Variants in TBXAS1 observed in about 807,000 individuals in gnomAD.
TBXAS1 encodes the protein thromboxane-A synthase.
In TBXAS1, 48 loss-of-function variants were observed where a neutral mutation model predicts 60.7. The ratio of observed to expected loss-of-function variants is 0.79; its 90% CI spans 0.63 to 1.01. The LOEUF (loss-of-function observed/expected upper bound fraction) is 1.01. Among genes scored for constraint, TBXAS1 ranks in the 50% least tolerant of loss-of-function variants. The pLI, the probability that TBXAS1 is intolerant of heterozygous loss-of-function variation, is 0.00. For synonymous variants in TBXAS1, 287 were observed against 269.7 expected (o/e 1.06, Z -0.63); for missense variants, 685 against 686.3 (o/e 1.00, Z 0.02).
chr7:139,953,873 A>G (rs1371668309), intron 6 of TBXAS1, among the ~76,000 whole-genome samples: 1 of 152,236 alleles, frequency 6.6e-6, no homozygotes. Flanking sequence ...TTTTGTAACT[A>G]AAAGGTTTTT....
chr7:139,929,198 C>T (rs972170904), intron 4 of TBXAS1, among the ~76,000 whole-genome samples: 1 of 152,200 alleles, frequency 6.6e-6, no homozygotes, highest in Admixed American at 6.5e-5. Flanking sequence ...CTTTTTAATT[C>T]TCAGCAAGGC....
Position 139,912,203 on chromosome 7 carries a change from G to A in TBXAS1, c.333+882G>A, listed in dbSNP as rs117161774. On this transcript the variant is annotated intron_variant, in intron 4 of 12. Transcript: ENST00000448866. ...GGAGGGGCTCCAGTGAGCTGAGATCGCGCCACTGCACTCCAGCCTGGGCGA... is the reference window on the plus strand; with the variant it reads ...GGAGGGGCTCCAGTGAGCTGAGATCACGCCACTGCACTCCAGCCTGGGCGA... Among the ~76,000 whole-genome samples, 902 of 152,174 alleles carry A rather than the reference G, an allele frequency of 5.9e-3. 8 individuals carry two copies. The highest frequency in any genetic ancestry group is 0.027 in the South Asian group (132 of 4,822).
chr7:139,939,945 A>C (rs1808147089), intron 5 of TBXAS1, among the ~76,000 whole-genome samples: 1 of 152,300 alleles, frequency 6.6e-6, no homozygotes, highest in Middle Eastern at 3.4e-3. Flanking sequence ...AAACCAATGT[A>C]TGTCTGTTTC....
At chr7:140,008,447 CT>C (rs35875761) in intron 10 of TBXAS1, among the ~76,000 whole-genome samples, 7,046 of 125,922 alleles carry the variant, frequency 0.056, 198 homozygotes, top group African/African-American at 0.1. Context: ...TTCTTTTATT[CT>C]TTTTTTTTTT....
At chr7:139,933,810 T>A (rs1807523134) in intron 4 of TBXAS1, among the ~76,000 whole-genome samples, 1 of 152,224 alleles carries the variant, frequency 6.6e-6, no homozygotes, top group Admixed American at 6.5e-5. Context: ...ATGCATCACA[T>A]GTGGTTCTGA....
At position 139,858,546 on chromosome 7, in the gene TBXAS1, G is replaced by A. The variant is rs1018918866; in HGVS notation, c.90-13689G>A. Among the ~76,000 whole-genome samples, 42 of 149,936 alleles carry A rather than the reference G, an allele frequency of 2.8e-4. 1 individual carries two copies. Among genetic ancestry groups the A allele is most frequent in the Middle Eastern group, 6.4e-3 (2 of 312 alleles). On this transcript the variant is annotated intron_variant, in intron 1 of 12. Transcript: ENST00000448866. Reference sequence around the variant, plus strand: ...AACTGTTTGTCAGTAGCCATTGAATGTCTGTCTGGTCCACTAGGCTGTAAG... The same window carrying A: ...AACTGTTTGTCAGTAGCCATTGAATATCTGTCTGGTCCACTAGGCTGTAAG...
Position 140,007,194 on chromosome 7 carries a change from C to T in TBXAS1, c.1226+12C>T. 6.2e-7 allele frequency: 1 copy of T among 1,613,444 alleles called. No individual in the cohort carries two copies. ...CCGCCAGCTTTCAGGTGTGTGGTAGCCCCCTCCCCTGCCCGAGTCCCCACC... is the reference window on the plus strand; with the variant it reads ...CCGCCAGCTTTCAGGTGTGTGGTAGTCCCCTCCCCTGCCCGAGTCCCCACC... On this transcript the variant is annotated intron_variant, in intron 10 of 12. Coordinates refer to ENST00000448866, the MANE Select transcript of TBXAS1 (RefSeq NM_001061.7).
intron 4 of TBXAS1, among the ~76,000 whole-genome samples, chr7:139,822,435 G>A (rs1008862683): frequency 6.6e-6 from 1 of 151,946 alleles, no homozygotes; most frequent in African/African-American, 2.4e-5. Context: ...CTATGGCTTT[G>A]CCCCATCCAC....
intron 9 of TBXAS1, among the ~76,000 whole-genome samples, chr7:139,981,247 A>G (rs1811954034): frequency 6.6e-6 from 1 of 152,136 alleles, no homozygotes; most frequent in Non-Finnish European, 1.5e-5. Context: ...AGCTGGGATT[A>G]CAGGCTTGTA....
intron 9 of TBXAS1, among the ~76,000 whole-genome samples, chr7:139,964,364 C>T (rs1008744368): frequency 7.2e-5 from 11 of 152,206 alleles, no homozygotes; most frequent in African/African-American, 2.7e-4. Flanking sequence ...GGATTACAGG[C>T]GTAAGCCACC....
chr7:139,850,015 T>G (rs988631780), intron 1 of TBXAS1, among the ~76,000 whole-genome samples: 1 of 152,206 alleles, frequency 6.6e-6, no homozygotes, highest in Non-Finnish European at 1.5e-5. Context: ...AGGAAAAAAT[T>G]TGTTTATTTC....
chr7:139,869,892 G>A (rs546307565), intron 1 of TBXAS1, among the ~76,000 whole-genome samples: 7 of 152,306 alleles, frequency 4.6e-5, no homozygotes, highest in African/African-American at 1.7e-4. Flanking sequence ...TGAGACCAGA[G>A]GGTATGAAAC....
At chr7:139,984,113 A>T (rs932279467) in intron 9 of TBXAS1, among the ~76,000 whole-genome samples, 1 of 152,012 alleles carries the variant, frequency 6.6e-6, no homozygotes, top group Non-Finnish European at 1.5e-5. Flanking sequence ...AAGCTGCTGG[A>T]CCCCTTACCC....
chr7:139,987,197 T>C (rs1237273464), intron 9 of TBXAS1, among the ~76,000 whole-genome samples: 1 of 152,204 alleles, frequency 6.6e-6, no homozygotes, highest in East Asian at 1.9e-4. Flanking sequence ...CATTTGGCAT[T>C]TGGGATATTC....
chr7:139,951,925 GAA>G (rs1414276354), intron 5 of TBXAS1, among the ~76,000 whole-genome samples: 2 of 81,870 alleles, frequency 2.4e-5, no homozygotes, highest in African/African-American at 4.7e-5. Flanking sequence ...AAGAGAGAAA[GAA>G]AGAGAGAAAG....
Position 139,852,928 on chromosome 7 carries a change from A to C in TBXAS1, c.90-19307A>C, listed in dbSNP as rs1800317727. ...ATGCCCCTGTGTACCAACCTTGGCT[A>C]CTCCAATACACACACACACACACAC... On this transcript the variant is annotated intron_variant, in intron 1 of 12. Coordinates refer to ENST00000448866, the MANE Select transcript of TBXAS1 (RefSeq NM_001061.7). The surrounding 1 kb of genome is among the most constrained non-coding windows in gnomAD (Gnocchi z 4.4). 1.4e-5 allele frequency among the ~76,000 whole-genome samples: 2 copies of C among 140,890 alleles called. No homozygotes were observed. Among genetic ancestry groups the C allele is most frequent in the African/African-American group, 2.7e-5 (1 of 36,830 alleles). The allele number at this position is 140,890 out of a possible 152,430, so 92.4% of individuals were successfully genotyped here.
At chr7:139,878,362 A>G (rs1219457545) in intron 3 of TBXAS1, among the ~76,000 whole-genome samples, 1 of 152,170 alleles carries the variant, frequency 6.6e-6, no homozygotes, top group Non-Finnish European at 1.5e-5. Flanking sequence ...TTTCAAGAAA[A>G]CCTAAATCAT....
At position 139,975,422 on chromosome 7, in the gene TBXAS1, T is replaced by C. The variant is rs1421801153; in HGVS notation, c.1134+13189T>C. ...TTTCAACCTTGTCTCTAATATTCCA[T>C]GATTCCATGGTTCTGATGCCATTCC... On this transcript the variant is annotated intron_variant, in intron 9 of 12. Coordinates refer to ENST00000448866, the MANE Select transcript of TBXAS1 (RefSeq NM_001061.7). The surrounding 1 kb of genome is among the most constrained non-coding windows in gnomAD (Gnocchi z 4.4). 6.6e-6 allele frequency among the ~76,000 whole-genome samples: 1 copy of C among 152,198 alleles called. No homozygotes were observed. The highest frequency in any genetic ancestry group is 1.5e-5 in the Non-Finnish European group (1 of 68,026).
chr7:140,019,275 A>C (rs1424846635), intron 12 of TBXAS1, among the ~76,000 whole-genome samples: 1 of 152,184 alleles, frequency 6.6e-6, no homozygotes, highest in Non-Finnish European at 1.5e-5. Flanking sequence ...TCGGCAGAGC[A>C]GAGCCAAACC....
Sources: gnomAD v4.1 joint callset for allele counts (sites outside exome capture counted in the v4.1 genomes callset) on GRCh38, gnomAD v4.1.1 for gene constraint, Gnocchi (gnomAD v3.1) non-coding constraint, MANE v1.5 for transcripts, NCBI Gene and HGNC (gene_info 2026-07-23, HGNC 2026-07-21) for gene names.